The following COL4A5 variants were observed in gnomAD, a reference collection of about 807,000 sequenced individuals.
The protein encoded by COL4A5 is collagen type IV alpha 5 chain, also known as collagen alpha-5(IV) chain.
Under a neutral mutation model 130.2 loss-of-function variants are expected in COL4A5, and 26 were observed. The observed-to-expected ratio is 0.20, with a 90% CI of 0.15 to 0.28. The LOEUF (loss-of-function observed/expected upper bound fraction) is 0.28, where lower values mean the gene tolerates loss of function less well. Among genes scored for constraint, COL4A5 ranks in the 10% least tolerant of loss-of-function variants. The pLI is 1.00. For missense variants in COL4A5, 1,131 were observed against 1,344.3 expected (o/e 0.84, Z 2.48); for synonymous variants, 496 against 439.6 (o/e 1.13, Z -1.60).
At chrX:108,617,230 T>C (rs763122839) in intron 30 of COL4A5, among the ~76,000 whole-genome samples, 1 of 111,672 alleles carries the variant, frequency 9.0e-6, no homozygotes, top group South Asian at 3.7e-4. Flanking sequence ...CTGATTTATG[T>C]CCATAAATCT....
At chrX:108,590,495 A>G (rs1211034205) in intron 19 of COL4A5, among the ~76,000 whole-genome samples, 1 of 111,816 alleles carries the variant, frequency 8.9e-6, no homozygotes, top group Non-Finnish European at 1.9e-5. Flanking sequence ...TCTACCAAAA[A>G]ATAATCTTTA....
At chrX:108,657,350 C>A (rs1452541108) in intron 37 of COL4A5, among the ~76,000 whole-genome samples, 1 of 111,133 alleles carries the variant, frequency 9.0e-6, no homozygotes, top group Non-Finnish European at 1.9e-5. Flanking sequence ...GTGTACTGTT[C>A]CAATGGTTTA....
chrX:108,666,490 T>G lies in COL4A5; in HGVS notation c.3455-6T>G. On this transcript the variant is annotated splice_polypyrimidine_tract_variant and splice_region_variant and intron_variant, in intron 38 of 52. Transcript: ENST00000328300. ...TGGGTGTAACCTGCTGTACTCAATT[T>G]TTTAGGTGGTGGAGGTCATCCTGGG... 8.3e-7 allele frequency: 1 copy of G among 1,198,725 alleles called. No individual in the cohort carries two copies.
intron 1 of COL4A5, among the ~76,000 whole-genome samples, chrX:108,502,537 G>A (rs140911829): frequency 2.7e-5 from 3 of 111,081 alleles, no homozygotes; most frequent in African/African-American, 6.6e-5. Flanking sequence ...TGCCTGCCTC[G>A]GCCTCCCAAA....
intron 4 of COL4A5, among the ~76,000 whole-genome samples, chrX:108,567,009 TATC>T (rs1301876385): frequency 1.8e-5 from 2 of 112,028 alleles, no homozygotes; most frequent in East Asian, 5.6e-4. Flanking sequence ...TCATTCCTAA[TATC>T]ATAAATGTAA....
chrX:108,627,331 G>A, intron 36 of COL4A5: 1 of 717,096 alleles, frequency 1.4e-6, no homozygotes, highest in Admixed American at 8.8e-5. Flanking sequence ...TCCTCATAGA[G>A]GCCCACTGTC....
intron 1 of COL4A5, among the ~76,000 whole-genome samples, chrX:108,524,364 A>C (rs1216052679): frequency 9.3e-6 from 1 of 107,151 alleles, no homozygotes; most frequent in Non-Finnish European, 1.9e-5. Flanking sequence ...CTTAATAGTA[A>C]TGTCCTCTCT....
chrX:108,477,535 C>T (rs1001394967), intron 1 of COL4A5, among the ~76,000 whole-genome samples: 4 of 111,106 alleles, frequency 3.6e-5, no homozygotes, highest in African/African-American at 9.8e-5. Flanking sequence ...GAGGAAAGGC[C>T]GGGCGCGGTG....
chrX:108,648,931 G>T (rs2067665567), intron 36 of COL4A5, among the ~76,000 whole-genome samples: 1 of 110,789 alleles, frequency 9.0e-6, no homozygotes, highest in Non-Finnish European at 1.9e-5. Flanking sequence ...CATCCAAATC[G>T]GTAAAGAGGA....
At chrX:108,582,419 C>T (rs915481052) in intron 16 of COL4A5, 4 of 115,042 alleles carry the variant, frequency 3.5e-5, no homozygotes, top group African/African-American at 1.3e-4. Context: ...AAATAGCCTT[C>T]TTTTGAACCA....
At chrX:108,516,394 T>C (rs192437946) in intron 1 of COL4A5, among the ~76,000 whole-genome samples, 1 of 112,138 alleles carries the variant, frequency 8.9e-6, no homozygotes, top group Admixed American at 9.5e-5. Flanking sequence ...TTGCTTCTTT[T>C]ATCTGTGATG....
In COL4A5 at chrX:108,668,252, A is replaced by G; in HGVS notation, c.3605-67A>G. 3.8e-6 allele frequency: 4 copies of G among 1,056,622 alleles called. No homozygotes were observed. In the South Asian group the frequency reaches 5.7e-5, roughly 15 times the overall value. 87.1% of individuals were successfully genotyped at this position (1,056,622 alleles called of 1,213,427 possible). ...ATTAATTGCCCTAATGTATGTGAAT[A>G]GCTAACCTTATAAGCAAGCTTGTAA... On this transcript the variant is annotated intron_variant, in intron 40 of 52. Coordinates refer to ENST00000328300, the MANE Select transcript of COL4A5 (RefSeq NM_033380.3).
chrX:108,533,143 A>C (rs1355873327), intron 1 of COL4A5, among the ~76,000 whole-genome samples: 8 of 111,826 alleles, frequency 7.2e-5, no homozygotes, highest in Admixed American at 6.7e-4. Flanking sequence ...ATATATTACA[A>C]GGCTGTAGTA....
intron 1 of COL4A5, among the ~76,000 whole-genome samples, chrX:108,531,215 G>A (rs1330694162): frequency 1.6e-5 from 1 of 62,123 alleles, no homozygotes; most frequent in Non-Finnish European, 2.9e-5. Context: ...GTTGTGGGGT[G>A]GGGGGAGGGG....
At chrX:108,584,159 G>A (rs1340225186) in intron 17 of COL4A5, among the ~76,000 whole-genome samples, 2 of 103,587 alleles carry the variant, frequency 1.9e-5, no homozygotes, top group Non-Finnish European at 3.9e-5. Context: ...TAGAGTATTT[G>A]TAGTTGGCTA....
rs776791597 is a variant in COL4A5 at position 108,489,648 on chromosome X, T to A, written c.81+49442T>A. On this transcript the variant is annotated intron_variant, in intron 1 of 52. Coordinates refer to ENST00000328300, the MANE Select transcript of COL4A5 (RefSeq NM_033380.3). ...AGAATAATTATTCAAAATACTCCTGTAATAATATCAGTGAAGAGGCAGATT... is the reference window on the plus strand; with the variant it reads ...AGAATAATTATTCAAAATACTCCTGAAATAATATCAGTGAAGAGGCAGATT... Among the ~76,000 whole-genome samples the A allele has an allele frequency of 6.2e-5, 7 of 112,356 alleles. No homozygotes were observed. The East Asian group carries it at 1.9e-3, about 31-fold the overall frequency.
intron 11 of COL4A5, 21 bp downstream of exon 11, chrX:108,578,008 A>G (rs1569490391): frequency 1.7e-6 from 2 of 1,202,596 alleles, no homozygotes; most frequent in East Asian, 3.0e-5. Flanking sequence ...TTTTCTTTAT[A>G]TCTTTTATTT....
At chrX:108,519,993 G>A (rs1227362153) in intron 1 of COL4A5, among the ~76,000 whole-genome samples, 2 of 111,055 alleles carry the variant, frequency 1.8e-5, no homozygotes, top group Non-Finnish European at 3.8e-5. Flanking sequence ...TAACATTTTT[G>A]TTTCTTTTTT....
rs2065226951 is a variant in COL4A5 at position 108,517,049 on chromosome X, A to G, written c.82-22697A>G. Among the ~76,000 whole-genome samples, 3 of 112,063 alleles carry G rather than the reference A, an allele frequency of 2.7e-5. No individual in the cohort carries two copies. The Admixed American group carries it at 2.9e-4, about 11-fold the overall frequency. On this transcript the variant is annotated intron_variant, in intron 1 of 52. Transcript: ENST00000328300. The stretch of plus-strand genomic sequence containing the variant: ...GTCATATTATTTATAAATTGCAAAG[A>G]AATATACAAATGTTCATCATCATTT...
Sources: allele counts gnomAD v4.1 joint callset (sites outside exome capture counted in the v4.1 genomes callset), GRCh38; gene constraint gnomAD v4.1.1; transcripts MANE v1.5; gene names NCBI Gene and HGNC (gene_info 2026-07-23, HGNC 2026-07-21).